Variants in MAF observed in about 807,000 individuals in gnomAD.
MAF encodes MAF bZIP transcription factor.
MAF carries 10 observed loss-of-function variants against 22.0 expected under a neutral mutation model. The ratio of observed to expected loss-of-function variants is 0.45; its 90% CI spans 0.28 to 0.77. The LOEUF is 0.77. Among genes scored for constraint, MAF ranks in the 30% least tolerant of loss-of-function variants. The pLI is 0.12. For missense variants in MAF, 544 were observed against 548.4 expected (o/e 0.99, Z 0.08); for synonymous variants, 337 against 255.8 (o/e 1.32, Z -3.03).
At chr16:79,580,080 G>A in the MAF span, among the ~76,000 whole-genome samples, 30 of 152,192 alleles carry the variant, frequency 2.0e-4, no homozygotes, top group Non-Finnish European at 3.2e-4. Context: ...TGAACAGAGT[G>A]ACATTTCACC....
the MAF span, among the ~76,000 whole-genome samples, chr16:79,264,087 C>T: frequency 6.6e-6 from 1 of 152,276 alleles, no homozygotes; most frequent in East Asian, 1.9e-4. Flanking sequence ...AAAACAGTCC[C>T]ATGAAGATTG....
chr16:79,367,206 A>G, the MAF span, among the ~76,000 whole-genome samples: 1 of 152,120 alleles, frequency 6.6e-6, no homozygotes, highest in Non-Finnish European at 1.5e-5. Context: ...TGTCAATTCT[A>G]TGGGTGCTTG....
the MAF span, among the ~76,000 whole-genome samples, chr16:79,486,525 G>A: frequency 6.6e-6 from 1 of 152,128 alleles, no homozygotes; most frequent in Admixed American, 6.5e-5. Flanking sequence ...CTAGGTTCTA[G>A]GAAATAAGTT....
chr16:79,299,145 A>G, the MAF span, among the ~76,000 whole-genome samples: 1 of 152,140 alleles, frequency 6.6e-6, no homozygotes, highest in Non-Finnish European at 1.5e-5. Context: ...GTCATTTTAT[A>G]CAGCCCTGTT....
the MAF span, among the ~76,000 whole-genome samples, chr16:79,331,199 G>C: frequency 6.6e-6 from 1 of 152,182 alleles, no homozygotes. Context: ...CATGGAAGAT[G>C]AAAAATGTGT....
chr16:79,344,419 A>G, the MAF span, among the ~76,000 whole-genome samples: 1 of 152,230 alleles, frequency 6.6e-6, no homozygotes, highest in Non-Finnish European at 1.5e-5. Flanking sequence ...CTAATTGTCC[A>G]CAATGGGACA....
chr16:79,591,092 C>T (rs1366661160), downstream of MAF, among the ~76,000 whole-genome samples: 2 of 152,128 alleles, frequency 1.3e-5, no homozygotes, highest in African/African-American at 4.8e-5. Flanking sequence ...CCTTCCTATC[C>T]AGTTCTATAA....
the MAF span, among the ~76,000 whole-genome samples, chr16:79,432,306 T>C: frequency 6.6e-6 from 1 of 152,188 alleles, no homozygotes; most frequent in Non-Finnish European, 1.5e-5. Context: ...TGTGGGTCAA[T>C]GAGACCTCTT....
At chr16:79,264,762 C>G in the MAF span, among the ~76,000 whole-genome samples, 1 of 152,210 alleles carries the variant, frequency 6.6e-6, no homozygotes, top group Non-Finnish European at 1.5e-5. Context: ...GAAACTTACT[C>G]AGCAGCCCAC....
the MAF span, among the ~76,000 whole-genome samples, chr16:79,341,933 G>A: frequency 6.6e-6 from 1 of 152,216 alleles, no homozygotes; most frequent in Non-Finnish European, 1.5e-5. Context: ...CAGCCAGATG[G>A]AAAGTGATGT....
chr16:79,335,669 G>T, the MAF span, among the ~76,000 whole-genome samples: 1 of 152,314 alleles, frequency 6.6e-6, no homozygotes, highest in South Asian at 2.1e-4. Context: ...AGGGAAGAAG[G>T]ATCATTAATG....
At chr16:79,390,942 T>A in the MAF span, among the ~76,000 whole-genome samples, 1 of 152,222 alleles carries the variant, frequency 6.6e-6, no homozygotes, top group Non-Finnish European at 1.5e-5. Flanking sequence ...ATTTCTGGGC[T>A]ACTGTCTCTC....
the MAF span, among the ~76,000 whole-genome samples, chr16:79,553,897 T>A: frequency 4.6e-5 from 7 of 152,106 alleles, no homozygotes; most frequent in Non-Finnish European, 8.8e-5. Flanking sequence ...GAGACCAGCC[T>A]GGCAAATATG....
At chr16:79,383,226 G>T in the MAF span, among the ~76,000 whole-genome samples, 4 of 152,152 alleles carry the variant, frequency 2.6e-5, no homozygotes, top group East Asian at 1.9e-4. Flanking sequence ...GGACTGGGGT[G>T]GGGGCAGGGT....
the MAF span, among the ~76,000 whole-genome samples, chr16:79,307,435 G>A: frequency 2.6e-5 from 4 of 152,352 alleles, no homozygotes; most frequent in South Asian, 4.1e-4. Context: ...CTGGCTAGAA[G>A]CAACGCATCA....
chr16:79,384,752 G>C, the MAF span, among the ~76,000 whole-genome samples: 1 of 152,002 alleles, frequency 6.6e-6, no homozygotes, highest in Non-Finnish European at 1.5e-5. Flanking sequence ...GAGAGACTCT[G>C]TCTCAAAAAA....
chr16:79,242,639 G>C, the MAF span, among the ~76,000 whole-genome samples: 1 of 152,076 alleles, frequency 6.6e-6, no homozygotes, highest in East Asian at 1.9e-4. Context: ...ATATGAGACA[G>C]ATCAATGAGA....
At chr16:79,514,886 G>T in the MAF span, among the ~76,000 whole-genome samples, 1 of 152,142 alleles carries the variant, frequency 6.6e-6, no homozygotes, top group Non-Finnish European at 1.5e-5. Context: ...GTTGCAATAG[G>T]TATTTTTCTC....
chr16:79,424,137 C>T, the MAF span, among the ~76,000 whole-genome samples: 2 of 152,114 alleles, frequency 1.3e-5, no homozygotes, highest in South Asian at 4.2e-4. Context: ...CAAGGCAGGG[C>T]TTATGCAAAA....
Sources: allele counts gnomAD v4.1 joint callset (sites outside exome capture counted in the v4.1 genomes callset), GRCh38; gene constraint gnomAD v4.1.1; transcripts MANE v1.5; gene names NCBI Gene and HGNC (gene_info 2026-07-23, HGNC 2026-07-21).